The following SLC38A1 variants were observed in gnomAD, a reference collection of about 807,000 sequenced individuals.
The protein encoded by SLC38A1 is sodium-coupled neutral amino acid symporter 1.
Under a neutral mutation model 60.3 loss-of-function variants are expected in SLC38A1, and 18 were observed. The ratio of observed to expected loss-of-function variants is 0.30; its 90% confidence interval spans 0.21 to 0.44. The LOEUF (loss-of-function observed/expected upper bound fraction) is 0.44, where lower values mean the gene tolerates loss of function less well. Ranked by LOEUF, SLC38A1 falls within the 20% of genes least tolerant of loss-of-function variation. The pLI is 1.00. For missense variants in SLC38A1, 448 were observed against 587.2 expected (o/e 0.76, Z 2.45); for synonymous variants, 196 against 212.1 (o/e 0.92, Z 0.66).
Position 46,198,063 on chromosome 12 carries a change from G to A in SLC38A1, c.1123-3C>T. 1 of 1,612,638 alleles carries A rather than the reference G, an allele frequency of 6.2e-7. No individual in the cohort carries two copies. Among genetic ancestry groups the A allele is most frequent in the Non-Finnish European group, 8.5e-7 (1 of 1,179,594 alleles). On this transcript the variant is annotated splice_region_variant and splice_polypyrimidine_tract_variant and intron_variant, in intron 14 of 16. Transcript: ENST00000398637. ...AGTTCAAATAAAGATGAACGAACCT[G>A]CAAGAAAAGAAAACAAAGATTCTGT...
rs1938964498 is a variant in SLC38A1 at position 46,187,153 on chromosome 12, T to G, written c.*1817A>C. On this transcript the variant is annotated 3_prime_UTR_variant, in exon 17 of 17. Transcript: ENST00000398637. ...TGCAATGCAGGAAATAACCTTTCAT[T>G]CTCCCCCCTAGAGGATCACGACAGG... The G allele has an allele frequency of 6.6e-6, 1 of 152,180 alleles. No individual in the cohort carries two copies. Among genetic ancestry groups the G allele is most frequent in the Admixed American group, 6.6e-5 (1 of 15,262 alleles). The allele number at this position is 152,180 out of a possible 1,614,324, so 9.4% of individuals were successfully genotyped here.
intron 1 of SLC38A1, among the ~76,000 whole-genome samples, chr12:46,257,980 T>C (rs1224554379): frequency 6.6e-6 from 1 of 152,194 alleles, no homozygotes; most frequent in Non-Finnish European, 1.5e-5. Flanking sequence ...TTGCTGATTA[T>C]GATTATTTCT....
intron 13 of SLC38A1, among the ~76,000 whole-genome samples, 176 bp from the exon 14 acceptor site, chr12:46,198,919 T>C (rs1218332383): frequency 2.0e-5 from 3 of 152,220 alleles, no homozygotes; most frequent in Non-Finnish European, 2.9e-5. Flanking sequence ...CATGCTCCAC[T>C]GTGCATACGC....
chr12:46,187,446 G>A lies in SLC38A1; in HGVS notation c.*1524C>T, dbSNP rs1938974507. 1 of 152,244 alleles carries A rather than the reference G, an allele frequency of 6.6e-6. No individual in the cohort carries two copies. Among genetic ancestry groups the A allele is most frequent in the Non-Finnish European group, 1.5e-5 (1 of 68,056 alleles). The allele number at this position is 152,244 out of a possible 1,614,324, so 9.4% of individuals were successfully genotyped here. On this transcript the variant is annotated 3_prime_UTR_variant, in exon 17 of 17. Coordinates refer to ENST00000398637, the MANE Select transcript of SLC38A1 (RefSeq NM_030674.4). Reference sequence around the variant, plus strand: ...CATGCACATTTCTCACCATAGGCAAGCTATGGACAATTCAATCACATGGGA... The same window carrying A: ...CATGCACATTTCTCACCATAGGCAAACTATGGACAATTCAATCACATGGGA...
At chr12:46,201,841 A>G (rs1425786485) in intron 12 of SLC38A1, among the ~76,000 whole-genome samples, 1 of 150,332 alleles carries the variant, frequency 6.7e-6, no homozygotes, top group Non-Finnish European at 1.5e-5. Flanking sequence ...ACAGATAGTC[A>G]TAACATTTGG....
chr12:46,261,439 G>A (rs966871988), intron 1 of SLC38A1, among the ~76,000 whole-genome samples: 8 of 152,082 alleles, frequency 5.3e-5, no homozygotes, highest in South Asian at 2.1e-4. Context: ...CATCTCAAAG[G>A]TCTAGTATAT....
intron 1 of SLC38A1, among the ~76,000 whole-genome samples, chr12:46,256,661 A>AGG (rs1942041296): frequency 6.7e-6 from 1 of 149,112 alleles, no homozygotes; most frequent in Non-Finnish European, 1.5e-5. Flanking sequence ...AGAGAGAGAG[A>AGG]CCAGAAGTCT....
chr12:46,188,894 G>T lies in SLC38A1; in HGVS notation c.*76C>A, dbSNP rs987891134. 6 of 1,207,444 alleles carry T rather than the reference G, an allele frequency of 5.0e-6. No homozygotes were observed. The highest frequency in any genetic ancestry group is 7.3e-6 in the Non-Finnish European group (6 of 826,498). 74.8% of individuals were successfully genotyped at this position (1,207,444 alleles called of 1,614,324 possible). A position where few individuals can be genotyped will look rare whatever the true frequency, so the allele number is the denominator to read the frequency against. ...TGTTTGCTTCTGTAAACTTGCAAAAGAAGTGGTGAGAGATTGCTGATGTGT... is the reference window on the plus strand; with the variant it reads ...TGTTTGCTTCTGTAAACTTGCAAAATAAGTGGTGAGAGATTGCTGATGTGT... On this transcript the variant is annotated 3_prime_UTR_variant, in exon 17 of 17. Transcript: ENST00000398637.
Position 46,229,566 on chromosome 12 carries a change from A to G in SLC38A1, c.196T>C (p.Tyr66His), listed in dbSNP as rs778203207. The change falls in exon 4 of 17, where the codon TAT becomes CAT. Residue 66 changes from tyrosine (Y) to histidine (H), a missense_variant and splice_region_variant. Physicochemically the swap from Tyr to His is moderately conservative, Grantham distance 83. Transcript: ENST00000398637. ...SHLEKKKCDE[Y>H]IPGTTSLGMS... ...TACTTCATTATAATGATACTTACAT[A>G]CTCATCACACTTCTTTTTTTCCAAA... The G allele has an allele frequency of 6.2e-7, 1 of 1,604,352 alleles. No homozygotes were observed.
chr12:46,251,152 G>A (rs1251589693), intron 1 of SLC38A1, among the ~76,000 whole-genome samples: 1 of 152,206 alleles, frequency 6.6e-6, no homozygotes, highest in Admixed American at 6.5e-5. Flanking sequence ...CAGATATATG[G>A]ACCAATGGAA....
chr12:46,205,423 T>C (rs891651269), intron 9 of SLC38A1, among the ~76,000 whole-genome samples: 2 of 152,212 alleles, frequency 1.3e-5, no homozygotes, highest in Non-Finnish European at 1.5e-5. Flanking sequence ...TCTGTTTGAA[T>C]TAGCCCAGAA....
intron 8 of SLC38A1, among the ~76,000 whole-genome samples, chr12:46,206,380 G>T (rs557868370): frequency 2.0e-4 from 30 of 146,776 alleles, no homozygotes; most frequent in African/African-American, 5.2e-4. Flanking sequence ...GGGAATATTG[G>T]TTTTTTTTTT....
intron 6 of SLC38A1, among the ~76,000 whole-genome samples, chr12:46,208,536 A>C (rs1339540387): frequency 2.0e-5 from 3 of 152,216 alleles, no homozygotes; most frequent in Non-Finnish European, 4.4e-5. Context: ...AAAGAATTAC[A>C]AACATAATCC....
rs756341902 is a variant in SLC38A1 at position 46,201,131 on chromosome 12, A to T, written c.970T>A (p.Leu324Met). 6.2e-7 allele frequency: 1 copy of T among 1,613,592 alleles called. No homozygotes were observed. ...SFFAMFVMYF[L>M]TAIFGYLTFY... The stretch of plus-strand genomic sequence containing the variant: ...GTCAAGTAGCCAAAAATGGCAGTCA[A>T]GAAGTACATAACAAACATGGCGAAA... The change falls in exon 13 of 17, where the codon TTG (leucine) becomes ATG (methionine). Residue 324 changes from leucine to methionine, a missense_variant. Physicochemically the swap from Leu to Met is conservative, Grantham distance 15. Coordinates refer to ENST00000398637, the MANE Select transcript of SLC38A1 (RefSeq NM_030674.4).
At chr12:46,258,221 A>G (rs1486725720) in intron 1 of SLC38A1, among the ~76,000 whole-genome samples, 2 of 152,162 alleles carry the variant, frequency 1.3e-5, no homozygotes, top group Non-Finnish European at 2.9e-5. Flanking sequence ...ACTTTGTGCT[A>G]ACCTCTTATC....
chr12:46,227,745 G>T (rs1387928906), intron 5 of SLC38A1, among the ~76,000 whole-genome samples: 9 of 152,152 alleles, frequency 5.9e-5, no homozygotes, highest in African/African-American at 9.7e-5. Context: ...CGTTTTGGAG[G>T]TTGGCCTGGT....
At chr12:46,244,945 G>GTAGAC (rs1941565067) in intron 1 of SLC38A1, among the ~76,000 whole-genome samples, 1 of 152,052 alleles carries the variant, frequency 6.6e-6, no homozygotes, top group East Asian at 1.9e-4. Flanking sequence ...ATGGTATAAT[G>GTAGAC]AACTCCCATA....
intron 16 of SLC38A1, among the ~76,000 whole-genome samples, chr12:46,191,967 T>C (rs1651454542): frequency 6.6e-6 from 1 of 152,232 alleles, no homozygotes; most frequent in Non-Finnish European, 1.5e-5. Flanking sequence ...TCCAACACTA[T>C]GTTGAATAGG....
rs1006577931 is a variant in SLC38A1 at position 46,190,851 on chromosome 12, G to C, written c.1363-1780C>G. On this transcript the variant is annotated intron_variant, in intron 16 of 16. Transcript: ENST00000398637. ...ATATTAGCCCTTTGTCAGATGGGTA[G>C]ACTGCAAAGATTTTCTCCCATTCTG... Among the ~76,000 whole-genome samples, 9 of 152,170 alleles carry C rather than the reference G, an allele frequency of 5.9e-5. 1 individual carries two copies. The highest frequency in any genetic ancestry group is 1.0e-4 in the Non-Finnish European group (7 of 68,032).
Sources: gnomAD v4.1 joint callset for allele counts (sites outside exome capture counted in the v4.1 genomes callset) on GRCh38, gnomAD v4.1.1 for gene constraint, MANE v1.5 for transcripts, NCBI Gene and HGNC (gene_info 2026-07-23, HGNC 2026-07-21) for gene names.